Variants in KYNU observed in about 807,000 individuals in gnomAD.
The protein encoded by KYNU is L-kynurenine hydrolase.
A neutral mutation model predicts 59.2 loss-of-function variants in KYNU; 54 were observed. The observed-to-expected ratio is 0.91, with a 90% CI of 0.73 to 1.14. The LOEUF (loss-of-function observed/expected upper bound fraction) is 1.14, where lower values mean the gene tolerates loss of function less well. KYNU is among the 50% of genes most tolerant of loss of function. KYNU has a pLI of 0.00. For missense variants in KYNU, 567 were observed against 554.4 expected, an observed-to-expected ratio of 1.02 and a Z score of -0.23; for synonymous variants, 177 against 192.0, an observed-to-expected ratio of 0.92 and a Z score of 0.65.
chr2:142,932,252 A>G (rs987671686), intron 4 of KYNU, among the ~76,000 whole-genome samples: 5 of 151,990 alleles, frequency 3.3e-5, no homozygotes, highest in African/African-American at 1.2e-4. Flanking sequence ...GGTGAGGAAG[A>G]TTTTGAGAGT....
intron 4 of KYNU, among the ~76,000 whole-genome samples, chr2:142,949,193 C>T (rs1683902809): frequency 1.3e-5 from 2 of 152,218 alleles, no homozygotes; most frequent in Non-Finnish European, 1.5e-5. Flanking sequence ...GCCTCACTCC[C>T]AGCTGCCTTC....
At chr2:142,931,718 C>A (rs1683224991) in intron 4 of KYNU, among the ~76,000 whole-genome samples, 1 of 152,016 alleles carries the variant, frequency 6.6e-6, no homozygotes, top group Non-Finnish European at 1.5e-5. Flanking sequence ...TTAGAGCCAG[C>A]TTCGTGAGTT....
At chr2:142,922,332 C>T (rs1228907985) in intron 3 of KYNU, among the ~76,000 whole-genome samples, 1 of 152,114 alleles carries the variant, frequency 6.6e-6, no homozygotes, top group Non-Finnish European at 1.5e-5. Flanking sequence ...AAAACCCTGT[C>T]TCTACAAAAT....
At position 142,927,666 on chromosome 2, in the gene KYNU, T is replaced by C; in HGVS notation, c.298T>C (p.Tyr100His). The C allele has an allele frequency of 6.2e-7, 1 of 1,612,628 alleles. No homozygotes were observed. Among genetic ancestry groups the C allele is most frequent in the African/African-American group, 1.3e-5 (1 of 74,994 alleles). Reference protein sequence around the residue: ...ELDKWAKIAAYGHEVGKRPWI... With the variant: ...ELDKWAKIAAHGHEVGKRPWI... ...GTCCGTTTTCAATTTCAGAGCAGCC[T>C]ATGGTCATGAAGTGGGGAAGCGTCC... The change falls in exon 4 of 14, where the codon TAT (tyrosine) becomes CAT (histidine). Residue 100 changes from tyrosine to histidine, a missense_variant. Physicochemically the swap from Tyr to His is moderately conservative, Grantham distance 83 (BLOSUM62 2). Transcript: ENST00000264170.
chr2:142,880,294 G>C (rs1463929688), intron 1 of KYNU, among the ~76,000 whole-genome samples: 1 of 152,160 alleles, frequency 6.6e-6, no homozygotes, highest in Non-Finnish European at 1.5e-5. Flanking sequence ...AACATCTCAT[G>C]GAATTTTAGG....
intron 8 of KYNU, among the ~76,000 whole-genome samples, chr2:142,972,813 T>TAGAGAGAGAGAG (rs66473877): frequency 5.6e-5 from 7 of 124,226 alleles, no homozygotes; most frequent in South Asian, 5.7e-4. Flanking sequence ...TATATATATA[T>TAGAGAGAGAGAG]AGAGAGAGAG....
chr2:143,009,221 AG>A (rs1214379384), intron 10 of KYNU, among the ~76,000 whole-genome samples: 4 of 51,926 alleles, frequency 7.7e-5, no homozygotes, highest in Admixed American at 2.1e-4. Context: ...AAAATGATAA[AG>A]GGGATATCAC....
chr2:143,041,746 G>GA (rs996703701), intron 13 of KYNU, among the ~76,000 whole-genome samples: 37 of 143,104 alleles, frequency 2.6e-4, no homozygotes, highest in Admixed American at 4.9e-4. Context: ...GTCCCCACGG[G>GA]AAAAAAAAAA....
Position 143,049,676 on chromosome 2 carries a change from T to G in KYNU, c.*7504T>G, listed in dbSNP as rs990381603. Reference sequence around the variant, plus strand: ...AAACATAGTCATCCAAATCCCAATCTCAAGCACGGTGTCACGGGAACCTGA... The same window carrying G: ...AAACATAGTCATCCAAATCCCAATCGCAAGCACGGTGTCACGGGAACCTGA... On this transcript the variant is annotated 3_prime_UTR_variant, in exon 14 of 14. Coordinates refer to ENST00000264170, the MANE Select transcript of KYNU (RefSeq NM_003937.3). 6.6e-6 allele frequency: 1 copy of G among 152,232 alleles called. No homozygotes were observed. The highest frequency in any genetic ancestry group is 1.5e-5 in the Non-Finnish European group (1 of 68,066). 9.4% of individuals were successfully genotyped at this position (152,232 alleles called of 1,614,324 possible).
chr2:143,037,036 C>T (rs980703297), intron 12 of KYNU, among the ~76,000 whole-genome samples: 1 of 151,894 alleles, frequency 6.6e-6, no homozygotes, highest in African/African-American at 2.4e-5. Context: ...TTAATAAATA[C>T]ATGTGTATAT....
chr2:142,880,419 A>G (rs1030188800), intron 1 of KYNU, among the ~76,000 whole-genome samples: 3 of 152,212 alleles, frequency 2.0e-5, no homozygotes, highest in African/African-American at 7.2e-5. Context: ...TAGCTGTTCA[A>G]TCCCTTGCCA....
chr2:142,946,409 A>G (rs1683781510), intron 4 of KYNU, among the ~76,000 whole-genome samples: 4 of 152,196 alleles, frequency 2.6e-5, no homozygotes, highest in Non-Finnish European at 4.4e-5. Flanking sequence ...TTGAAAGTCA[A>G]AATTACTCCA....
chr2:142,923,805 A>G (rs1325285059), intron 3 of KYNU, among the ~76,000 whole-genome samples: 2 of 152,206 alleles, frequency 1.3e-5, no homozygotes, highest in Non-Finnish European at 2.9e-5. Context: ...CTCTACAGGG[A>G]TTCTTCTAAG....
At chr2:142,938,048 T>G (rs558591016) in intron 4 of KYNU, among the ~76,000 whole-genome samples, 1 of 152,316 alleles carries the variant, frequency 6.6e-6, no homozygotes, top group South Asian at 2.1e-4. Context: ...TCGGTAATTT[T>G]TTTTTACGGG....
chr2:142,977,143 T>C (rs1367388655), intron 8 of KYNU, among the ~76,000 whole-genome samples: 1 of 152,052 alleles, frequency 6.6e-6, no homozygotes, highest in Non-Finnish European at 1.5e-5. Flanking sequence ...CCCTCTTCCA[T>C]CATGGCTTGA....
intron 2 of KYNU, among the ~76,000 whole-genome samples, chr2:142,903,034 G>A (rs1371544557): frequency 6.6e-6 from 1 of 152,168 alleles, no homozygotes; most frequent in African/African-American, 2.4e-5. Context: ...GTACAGCTGG[G>A]TATAGAGGAA....
At chr2:142,977,511 G>A (rs372732291) in intron 8 of KYNU, among the ~76,000 whole-genome samples, 6 of 152,008 alleles carry the variant, frequency 3.9e-5, no homozygotes, top group African/African-American at 1.4e-4. Context: ...GTTGCCGTGT[G>A]ACATGATTTC....
intron 8 of KYNU, among the ~76,000 whole-genome samples, chr2:142,982,445 A>G (rs888150085): frequency 2.6e-5 from 4 of 152,126 alleles, no homozygotes; most frequent in Non-Finnish European, 5.9e-5. Flanking sequence ...CTTGGGTACA[A>G]TTTGGATAAT....
chr2:143,023,249 C>T (rs1686457252), intron 10 of KYNU, among the ~76,000 whole-genome samples: 1 of 151,786 alleles, frequency 6.6e-6, no homozygotes, highest in Non-Finnish European at 1.5e-5. Context: ...GATCAATTTA[C>T]TTTAAACTTG....
Sources: allele counts gnomAD v4.1 joint callset (sites outside exome capture counted in the v4.1 genomes callset), GRCh38; gene constraint gnomAD v4.1.1; transcripts MANE v1.5; gene names NCBI Gene and HGNC (gene_info 2026-07-23, HGNC 2026-07-21).